PIK3C2G: variants seen among roughly 807,000 people sequenced by gnomAD.
The protein encoded by PIK3C2G is phosphatidylinositol-4-phosphate 3-kinase catalytic subunit type 2 gamma.
Under a neutral mutation model 181.1 loss-of-function variants are expected in PIK3C2G, and 168 were observed. The ratio of observed to expected loss-of-function variants is 0.93; its 90% CI spans 0.82 to 1.05. The LOEUF (loss-of-function observed/expected upper bound fraction) is 1.05, where lower values mean the gene tolerates loss of function less well. Among genes scored for constraint, PIK3C2G ranks in the 50% least tolerant of loss-of-function variants. The pLI is 0.00. For synonymous variants in PIK3C2G, 573 were observed against 592.2 expected (o/e 0.97, Z 0.47); for missense variants, 1,869 against 1,732.8 (o/e 1.08, Z -1.40).
intron 13 of PIK3C2G, among the ~76,000 whole-genome samples, chr12:18,373,891 C>T (rs1262030634): frequency 6.6e-6 from 1 of 152,026 alleles, no homozygotes; most frequent in Admixed American, 6.6e-5. Context: ...GTAAATTTGG[C>T]CCACAGAAGT....
intron 26 of PIK3C2G, among the ~76,000 whole-genome samples, chr12:18,559,897 G>A (rs1294792005): frequency 2.1e-5 from 3 of 142,380 alleles, no homozygotes; most frequent in Non-Finnish European, 4.5e-5. Flanking sequence ...AGGCTGGAAT[G>A]CAGTGGCCCA....
downstream of PIK3C2G, among the ~76,000 whole-genome samples, chr12:18,650,605 C>G (rs1478931289): frequency 1.4e-5 from 2 of 145,844 alleles, no homozygotes; most frequent in East Asian, 4.1e-4. Flanking sequence ...GATATGAGAG[C>G]TGATACGGGC....
intron 18 of PIK3C2G, among the ~76,000 whole-genome samples, chr12:18,449,120 C>T (rs769171970): frequency 6.6e-6 from 1 of 151,782 alleles, no homozygotes; most frequent in African/African-American, 2.4e-5. Context: ...GTATTGAGTC[C>T]TCTTGGTGCC....
At chr12:18,417,639 C>T (rs1456370026) in intron 16 of PIK3C2G, among the ~76,000 whole-genome samples, 2 of 151,932 alleles carry the variant, frequency 1.3e-5, no homozygotes, top group Non-Finnish European at 2.9e-5. Context: ...CATTTCTTAG[C>T]AACAAAGTAT....
Position 18,488,475 on chromosome 12 carries a change from C to T in PIK3C2G, c.2531C>T (p.Ala844Val). Residue 844 changes from alanine to valine, a missense_variant, in exon 19 of 33, where the codon GCT becomes GTT. Transcript: ENST00000538779. ...YWLLKNAENEAYFKSWYQKLL... is the reference protein window; with the variant it reads ...YWLLKNAENEVYFKSWYQKLL... ...CTGCTAAAAAATGCAGAAAATGAAGCTTATTTTAAAAGCTGGTATCAGAAG... is the reference window on the plus strand; with the variant it reads ...CTGCTAAAAAATGCAGAAAATGAAGTTTATTTTAAAAGCTGGTATCAGAAG... The T allele has an allele frequency of 6.5e-7, 1 of 1,528,888 alleles. No homozygotes were observed. Among genetic ancestry groups the T allele is most frequent in the Non-Finnish European group, 8.8e-7 (1 of 1,140,346 alleles). The allele number at this position is 1,528,888 out of a possible 1,614,324, so 94.7% of individuals were successfully genotyped here.
chr12:18,473,178 A>G (rs1938615601), intron 18 of PIK3C2G, among the ~76,000 whole-genome samples: 1 of 152,122 alleles, frequency 6.6e-6, no homozygotes, highest in South Asian at 2.1e-4. Context: ...GGTTCTAAGT[A>G]AGATTTTGCT....
chr12:18,448,901 AGTTGTTTTTATTTCTTGGCTATTAT>A (rs1947178568), intron 18 of PIK3C2G, among the ~76,000 whole-genome samples: 1 of 149,100 alleles, frequency 6.7e-6, no homozygotes, highest in Non-Finnish European at 1.5e-5. Flanking sequence ...TGGACACTTA[AGTTGTTTTTATTTCTTGGCTATTAT>A]GAATAAGGCT....
chr12:18,319,879 T>C (rs1455493013), intron 6 of PIK3C2G, among the ~76,000 whole-genome samples: 2 of 152,204 alleles, frequency 1.3e-5, no homozygotes, highest in African/African-American at 4.8e-5. Flanking sequence ...AGTGACTCTA[T>C]ATGTAAATTT....
intron 11 of PIK3C2G, among the ~76,000 whole-genome samples, chr12:18,356,345 C>T (rs1940725919): frequency 6.6e-6 from 1 of 152,264 alleles, no homozygotes; most frequent in Non-Finnish European, 1.5e-5. Flanking sequence ...AGCTCTCAGC[C>T]CCTCACAGGA....
At chr12:18,267,389 G>A (rs1376414727) in intron 1 of PIK3C2G, among the ~76,000 whole-genome samples, 1 of 151,690 alleles carries the variant, frequency 6.6e-6, no homozygotes, top group Non-Finnish European at 1.5e-5. Flanking sequence ...TATAACTACT[G>A]TTTTTATAAT....
intron 6 of PIK3C2G, among the ~76,000 whole-genome samples, chr12:18,314,315 A>G (rs776271925): frequency 3.3e-5 from 5 of 152,246 alleles, no homozygotes; most frequent in East Asian, 1.9e-4. Flanking sequence ...TGTCCCCCCA[A>G]AATTCATAAG....
At position 18,338,445 on chromosome 12, in the gene PIK3C2G, T is replaced by C. The variant is rs190750617; in HGVS notation, c.1292T>C (p.Ile431Thr). Reference protein sequence around the residue: ...LKTQENVYNIIEEVKKICSVL... With the variant: ...LKTQENVYNITEEVKKICSVL... ...CTACAGGAAAACGTGTATAATATTA[T>C]TGAAGAAGTTAAAAAAATATGCAGT... Residue 431 changes from isoleucine to threonine, a missense_variant, in exon 9 of 33, where the codon ATT (isoleucine) becomes ACT (threonine). Coordinates refer to ENST00000538779, the MANE Select transcript of PIK3C2G (RefSeq NM_001288772.2). 1.8e-4 allele frequency: 284 copies of C among 1,569,800 alleles called. 1 individual carries two copies. The highest frequency in any genetic ancestry group is 2.4e-4 in the Non-Finnish European group (272 of 1,142,768).
chr12:18,415,022 A>C (rs7978939), intron 16 of PIK3C2G, among the ~76,000 whole-genome samples: 19,499 of 152,214 alleles, frequency 0.13, 1,681 homozygotes, highest in Admixed American at 0.27. Context: ...AATTATTCCC[A>C]GCATTTGCAT....
intron 12 of PIK3C2G, among the ~76,000 whole-genome samples, chr12:18,363,657 TC>T (rs2137812273): frequency 6.6e-6 from 1 of 152,006 alleles, no homozygotes; most frequent in East Asian, 2.0e-4. Flanking sequence ...CCAGCCTACT[TC>T]CCCTCAGCTC....
chr12:18,533,457 T>C (rs1419611632), intron 24 of PIK3C2G, among the ~76,000 whole-genome samples: 1 of 152,130 alleles, frequency 6.6e-6, no homozygotes, highest in Non-Finnish European at 1.5e-5. Context: ...TTCCCACTTC[T>C]CTGTTATCTG....
intron 18 of PIK3C2G, among the ~76,000 whole-genome samples, chr12:18,467,926 T>C (rs1202119810): frequency 2.0e-5 from 3 of 152,008 alleles, no homozygotes; most frequent in African/African-American, 4.8e-5. Context: ...TAATAAAATT[T>C]ACATGTGGTT....
At chr12:18,681,027 C>T in the PIK3C2G span, among the ~76,000 whole-genome samples, 4 of 151,972 alleles carry the variant, frequency 2.6e-5, no homozygotes, top group Non-Finnish European at 5.9e-5. Context: ...ATGTTTTTGC[C>T]GTGCATTCAG....
At chr12:18,513,886 C>T (rs1318635295) in intron 24 of PIK3C2G, among the ~76,000 whole-genome samples, 4 of 151,638 alleles carry the variant, frequency 2.6e-5, no homozygotes, top group Admixed American at 1.3e-4. Flanking sequence ...CTTTCATTTG[C>T]CAGCTTTGAA....
chr12:18,704,653 C>A, the PIK3C2G span, among the ~76,000 whole-genome samples: 2 of 151,864 alleles, frequency 1.3e-5, no homozygotes, highest in Admixed American at 1.3e-4. Flanking sequence ...AAAGAGACAG[C>A]CAGAGAGAGA....
Sources: gnomAD v4.1 joint callset for allele counts (sites outside exome capture counted in the v4.1 genomes callset) on GRCh38, gnomAD v4.1.1 for gene constraint, MANE v1.5 for transcripts, NCBI Gene and HGNC (gene_info 2026-07-23, HGNC 2026-07-21) for gene names.